Variants in DOCK9 observed in about 807,000 individuals in gnomAD.
The protein encoded by DOCK9 is dedicator of cytokinesis 9.
Under a neutral mutation model 263.3 loss-of-function variants are expected in DOCK9, and 89 were observed. The observed-to-expected ratio is 0.34, with a 90% CI of 0.28 to 0.40. DOCK9 has a LOEUF of 0.40. Among genes scored for constraint, DOCK9 ranks in the 10% least tolerant of loss-of-function variants. The probability of loss-of-function intolerance (pLI) is 1.00; values close to 1 mark genes in which losing one functional copy is unlikely to be tolerated. For missense variants in DOCK9, 2,140 were observed against 2,603.4 expected, an observed-to-expected ratio of 0.82 and a Z score of 3.87; for synonymous variants, 976 against 973.1, an observed-to-expected ratio of 1.00 and a Z score of -0.06.
At chr13:99,052,375 A>G (rs11069341) in intron 1 of DOCK9, among the ~76,000 whole-genome samples, 145,732 of 152,224 alleles carry the variant, frequency 0.96, 69,814 homozygotes, top group Middle Eastern at 1. Context: ...CCCTGACCTC[A>G]GCTCCCCATC....
chr13:98,958,258 C>A (rs2058279661), intron 1 of DOCK9, among the ~76,000 whole-genome samples: 1 of 152,234 alleles, frequency 6.6e-6, no homozygotes, highest in African/African-American at 2.4e-5. Context: ...CCTGCTGCCA[C>A]CCCTTCAGCA....
intron 1 of DOCK9, among the ~76,000 whole-genome samples, chr13:99,054,648 A>G (rs999937318): frequency 2.6e-5 from 4 of 152,224 alleles, no homozygotes; most frequent in Non-Finnish European, 5.9e-5. Context: ...GCCCTGCCTC[A>G]AGCATAAAGC....
intron 1 of DOCK9, among the ~76,000 whole-genome samples, chr13:99,032,482 CA>C (rs35786410): frequency 0.17 from 21,339 of 126,778 alleles, 2,147 homozygotes; most frequent in East Asian, 0.45. Flanking sequence ...GACACCATCT[CA>C]AAAAAAAAAA....
intron 1 of DOCK9, among the ~76,000 whole-genome samples, chr13:99,047,814 C>T (rs111257755): frequency 0.057 from 8,632 of 152,172 alleles, 265 homozygotes; most frequent in Middle Eastern, 0.12. Flanking sequence ...GGAGCTACTG[C>T]GCCTGGCCCT....
intron 9 of DOCK9, among the ~76,000 whole-genome samples, chr13:98,912,474 CA>C (rs2050213847): frequency 6.6e-6 from 1 of 152,072 alleles, no homozygotes; most frequent in East Asian, 1.9e-4. Flanking sequence ...GGGTTGAAAT[CA>C]AACTGATTTC....
rs781100071 is a variant in DOCK9, at chr13:98,809,357, C to T, written c.5362G>A (p.Gly1788Arg). 6.2e-6 allele frequency: 10 copies of T among 1,613,336 alleles called. No individual in the cohort carries two copies. The highest frequency in any genetic ancestry group is 1.1e-5 in the South Asian group (1 of 91,026). The change falls in exon 47 of 53, where the codon GGG becomes AGG. Residue 1788 changes from glycine (G) to arginine (R), a missense_variant. Around this residue, in one of 2 missense-constraint regions of DOCK9, gnomAD observed 619 missense variants for 861.8 expected, o/e 0.72. Coordinates refer to ENST00000682017, the MANE Select transcript of DOCK9 (RefSeq NM_001366683.2). ...AGAATGGACAGGAGGCTCACCTGCC[C>T]GAAGAAGGCTACCCGGAAGTAGGTC... ...LGTYFRVAFF[G>R]QGFFEDEDGK...
At chr13:98,798,547 C>T (rs560442688) in intron 50 of DOCK9, among the ~76,000 whole-genome samples, 47 of 152,096 alleles carry the variant, frequency 3.1e-4, no homozygotes, top group Admixed American at 2.6e-3. Context: ...AATGACTGAT[C>T]ATCTAAAATG....
intron 32 of DOCK9, among the ~76,000 whole-genome samples, chr13:98,862,149 A>G (rs1594766158): frequency 6.6e-6 from 1 of 152,192 alleles, no homozygotes; most frequent in East Asian, 1.9e-4. Flanking sequence ...ATTTTTTAAC[A>G]AGAAATGAAG....
chr13:99,044,562 G>A (rs1397031916), intron 1 of DOCK9, among the ~76,000 whole-genome samples: 9 of 152,100 alleles, frequency 5.9e-5, no homozygotes, highest in African/African-American at 1.7e-4. Flanking sequence ...TACCACGATC[G>A]CTTCCTAGCT....
intron 1 of DOCK9, among the ~76,000 whole-genome samples, chr13:98,973,861 G>T (rs1465058776): frequency 6.6e-6 from 1 of 152,148 alleles, no homozygotes; most frequent in South Asian, 2.1e-4. Flanking sequence ...CTCCTAAACT[G>T]CTGGGATTAC....
intron 1 of DOCK9, chr13:99,015,904 A>T: frequency 2.1e-6 from 1 of 485,392 alleles, no homozygotes; most frequent in Non-Finnish European, 2.8e-6. Flanking sequence ...TTCACTCTTA[A>T]TACCAAAGAA....
chr13:98,831,864 T>C, intron 39 of DOCK9, 78 bp from the exon 40 acceptor site: 1 of 1,525,620 alleles, frequency 6.6e-7, no homozygotes, highest in Non-Finnish European at 8.8e-7. Context: ...GGCTCAAGAA[T>C]TACATTTTCT....
rs1381114322 is a variant in DOCK9, at chr13:98,925,703, G to T, written c.416+134C>A. The stretch of plus-strand genomic sequence containing the variant: ...ACAATCAAAGGCCCTGTAAACAATA[G>T]TTACACCACATACACATAAACCATC... On this transcript the variant is annotated intron_variant, in intron 4 of 52. Transcript: ENST00000682017. 5 of 546,788 alleles carry T rather than the reference G, an allele frequency of 9.1e-6. No homozygotes were observed. The Admixed American group carries it at 1.8e-4, about 20-fold the overall frequency. 33.9% of individuals were successfully genotyped at this position (546,788 alleles called of 1,614,324 possible).
At chr13:99,032,130 C>T (rs1230290294) in intron 1 of DOCK9, among the ~76,000 whole-genome samples, 4 of 152,142 alleles carry the variant, frequency 2.6e-5, no homozygotes, top group Non-Finnish European at 4.4e-5. Context: ...CATTTTAATG[C>T]TAAGTGGCTT....
chr13:98,821,304 C>T (rs569840562), intron 45 of DOCK9, among the ~76,000 whole-genome samples: 1 of 152,162 alleles, frequency 6.6e-6, no homozygotes, highest in African/African-American at 2.4e-5. Flanking sequence ...TTCCTCCCTG[C>T]GTGGGTGCCC....
intron 28 of DOCK9, 88 bp downstream of exon 28, chr13:98,868,143 C>T: frequency 6.4e-7 from 1 of 1,560,366 alleles, no homozygotes; most frequent in Non-Finnish European, 8.8e-7. Context: ...GCCAGAGCAC[C>T]TACTCTATTC....
Position 98,884,963 on chromosome 13 carries a change from G to T in DOCK9, c.2382+8C>A, listed in dbSNP as rs2274642. 0.76 allele frequency: 1,226,426 copies of T among 1,609,406 alleles called. 470,729 individuals are homozygous for T. The highest frequency in any genetic ancestry group is 0.88 in the Middle Eastern group (5,276 of 6,008). ...ATTGGGATGACCCAATCTTAAAATG[G>T]GACATACCCTGCCCATCCCAAGCTC... On this transcript the variant is annotated splice_region_variant and intron_variant, in intron 21 of 52. Transcript: ENST00000682017.
At chr13:99,064,298 A>G (rs901137215) in intron 1 of DOCK9, among the ~76,000 whole-genome samples, 3 of 152,244 alleles carry the variant, frequency 2.0e-5, no homozygotes, top group Non-Finnish European at 2.9e-5. Flanking sequence ...ACTTATCATT[A>G]TAACTGTTGT....
intron 48 of DOCK9, 57 bp downstream of exon 48, chr13:98,807,604 A>AC (rs1334795065): frequency 1.6e-5 from 23 of 1,401,406 alleles, no homozygotes; most frequent in Middle Eastern, 1.9e-4. Context: ...AAAATATATA[A>AC]TATGTAATCA....
Sources: gnomAD v4.1 joint callset for allele counts (sites outside exome capture counted in the v4.1 genomes callset) on GRCh38, gnomAD v4.1.1 for gene constraint, gnomAD v4.1.1 regional missense constraint, MANE v1.5 for transcripts, NCBI Gene and HGNC (gene_info 2026-07-23, HGNC 2026-07-21) for gene names.